Variants in CDC14B observed in about 807,000 individuals in gnomAD.
The protein encoded by CDC14B is dual specificity protein phosphatase CDC14B.
Under a neutral mutation model 64.2 loss-of-function variants are expected in CDC14B, and 22 were observed. The observed-to-expected ratio is 0.34, with a 90% CI of 0.24 to 0.49. CDC14B has a LOEUF of 0.49. CDC14B is among the 20% of genes least tolerant of loss of function. The probability of loss-of-function intolerance (pLI) is 0.99; values close to 1 mark genes in which losing one functional copy is unlikely to be tolerated. For missense variants in CDC14B, 498 were observed against 629.9 expected, an observed-to-expected ratio of 0.79 and a Z score of 2.24; for synonymous variants, 191 against 215.8, an observed-to-expected ratio of 0.89 and a Z score of 1.01.
intron 12 of CDC14B, among the ~76,000 whole-genome samples, chr9:96,516,161 A>C (rs1024167596): frequency 6.6e-6 from 1 of 152,228 alleles, no homozygotes; most frequent in Admixed American, 6.5e-5. Flanking sequence ...AGGCAAAACC[A>C]GATAACCAAA....
intron 5 of CDC14B, among the ~76,000 whole-genome samples, chr9:96,543,005 C>T (rs1214203379): frequency 6.8e-6 from 1 of 147,156 alleles, no homozygotes; most frequent in Non-Finnish European, 1.5e-5. Flanking sequence ...GAGACTCTAT[C>T]TCAAAAAACA....
chr9:96,555,580 A>G (rs749597804), intron 4 of CDC14B, among the ~76,000 whole-genome samples: 17 of 152,234 alleles, frequency 1.1e-4, no homozygotes, highest in Non-Finnish European at 2.2e-4. Context: ...GCAGTAGCAC[A>G]CTCAATTTAA....
At chr9:96,537,438 C>A (rs1839433952) in intron 7 of CDC14B, among the ~76,000 whole-genome samples, 1 of 152,184 alleles carries the variant, frequency 6.6e-6, no homozygotes. Flanking sequence ...CTTAGCCCTG[C>A]CCTGCCAAAG....
chr9:96,561,106 T>C (rs773742606), intron 4 of CDC14B, among the ~76,000 whole-genome samples: 1 of 151,826 alleles, frequency 6.6e-6, no homozygotes, highest in Non-Finnish European at 1.5e-5. Flanking sequence ...CCAACTAATT[T>C]TTGTATTTTT....
chr9:96,575,804 G>A lies in CDC14B; in HGVS notation c.161-10321C>T, dbSNP rs570180486. ...GTTCAAGACCAACCTGGACAAGAAA[G>A]TGAGATACCATCTCTATCAAAAACA... is the stretch of plus-strand genomic sequence containing the variant. On this transcript the variant is annotated intron_variant, in intron 1 of 13. Coordinates refer to ENST00000375241, the MANE Select transcript of CDC14B (RefSeq NM_033331.4). 2.6e-5 allele frequency among the ~76,000 whole-genome samples: 4 copies of A among 152,242 alleles called. No homozygotes were observed. The East Asian group carries it at 7.7e-4, about 29-fold the overall frequency.
intron 1 of CDC14B, among the ~76,000 whole-genome samples, chr9:96,600,739 G>C (rs1401791223): frequency 6.6e-6 from 1 of 152,112 alleles, no homozygotes; most frequent in African/African-American, 2.4e-5. Flanking sequence ...CTGACCTCAA[G>C]TGATCCACCT....
intron 3 of CDC14B, among the ~76,000 whole-genome samples, chr9:96,563,654 GGAAAAAA>G (rs1564347267): frequency 8.7e-6 from 1 of 114,720 alleles, no homozygotes; most frequent in African/African-American, 7.0e-5. Context: ...CTGTCTCACG[GGAAAAAA>G]AAAAAAAAAA....
intron 1 of CDC14B, among the ~76,000 whole-genome samples, chr9:96,569,379 T>C (rs145177586): frequency 0.015 from 2,281 of 152,262 alleles, 22 homozygotes; most frequent in Middle Eastern, 0.031. Context: ...AAAAACCCAA[T>C]TGAAACTAGA....
At chr9:96,532,940 A>G (rs550981830) in intron 9 of CDC14B, among the ~76,000 whole-genome samples, 1 of 152,144 alleles carries the variant, frequency 6.6e-6, no homozygotes, top group East Asian at 1.9e-4. Context: ...TAAGTCCACA[A>G]TTTGATCTTT....
In CDC14B at chr9:96,530,045, TA is replaced by T. The variant is rs1838196676; in HGVS notation, c.946+3881del. On this transcript the variant is annotated intron_variant, in intron 9 of 13. Coordinates refer to ENST00000375241, the MANE Select transcript of CDC14B (RefSeq NM_033331.4). The stretch of plus-strand genomic sequence containing the variant: ...TCATTACATTTAATTACATCTTCTT[TA>T]ATTTTCCTCAAAAATGTTTTATACA... 2.0e-5 allele frequency among the ~76,000 whole-genome samples: 3 copies of T among 152,362 alleles called. No individual in the cohort carries two copies. The South Asian group carries it at 6.2e-4, about 32-fold the overall frequency.
chr9:96,549,502 T>C (rs1841477968), intron 5 of CDC14B, among the ~76,000 whole-genome samples: 1 of 151,756 alleles, frequency 6.6e-6, no homozygotes, highest in Admixed American at 6.6e-5. Context: ...CATTCTCTAC[T>C]AAAAATACAA....
intron 1 of CDC14B, among the ~76,000 whole-genome samples, chr9:96,582,439 CCTTTGTTCCA>C (rs1346846121): frequency 6.6e-6 from 1 of 152,202 alleles, no homozygotes; most frequent in African/African-American, 2.4e-5. Flanking sequence ...CTTCCTCCTT[CCTTTGTTCCA>C]CTCTACCTCT....
intron 6 of CDC14B, among the ~76,000 whole-genome samples, chr9:96,539,617 T>C (rs979262560): frequency 6.6e-6 from 1 of 152,240 alleles, no homozygotes; most frequent in Non-Finnish European, 1.5e-5. Flanking sequence ...CATATCTTCA[T>C]TTTCAAATTC....
chr9:96,496,140 AG>A (rs934658207), downstream of CDC14B: 1 of 372,148 alleles, frequency 2.7e-6, no homozygotes, highest in African/African-American at 2.1e-5. Context: ...AGTCAGGCCG[AG>A]GCCCACCTAA....
chr9:96,507,478 C>T (rs1194808258), intron 13 of CDC14B, among the ~76,000 whole-genome samples: 5 of 151,158 alleles, frequency 3.3e-5, no homozygotes, highest in Admixed American at 6.6e-5. Flanking sequence ...TGCAATGGCG[C>T]GATCTCAGCT....
At chr9:96,548,477 T>TACACACATACAC (rs1254332907) in intron 5 of CDC14B, among the ~76,000 whole-genome samples, 2 of 152,028 alleles carry the variant, frequency 1.3e-5, no homozygotes, top group African/African-American at 2.4e-5. Flanking sequence ...AGAAATCATA[T>TACACACATACAC]ACACACATAC....
intron 1 of CDC14B, among the ~76,000 whole-genome samples, chr9:96,604,971 A>T (rs929963216): frequency 1.3e-5 from 2 of 152,036 alleles, no homozygotes; most frequent in Non-Finnish European, 1.5e-5. Flanking sequence ...TGCCCAGCTG[A>T]AGCTTGCATT....
chr9:96,587,980 T>G (rs1189141958), intron 1 of CDC14B, among the ~76,000 whole-genome samples: 4 of 152,174 alleles, frequency 2.6e-5, no homozygotes, highest in African/African-American at 7.2e-5. Flanking sequence ...CTGCCTACTT[T>G]ATACGATATG....
intron 1 of CDC14B, among the ~76,000 whole-genome samples, chr9:96,602,146 T>C (rs1014832055): frequency 2.6e-5 from 4 of 152,230 alleles, no homozygotes; most frequent in African/African-American, 7.2e-5. Context: ...TCTGGCCTGT[T>C]GGATGGAACC....
Sources: allele counts gnomAD v4.1 joint callset (sites outside exome capture counted in the v4.1 genomes callset), GRCh38; gene constraint gnomAD v4.1.1; transcripts MANE v1.5; gene names NCBI Gene and HGNC (gene_info 2026-07-23, HGNC 2026-07-21).